SLC24A2: variants seen among roughly 807,000 people sequenced by gnomAD.
SLC24A2 encodes solute carrier family 24 member 2, also known as sodium/potassium/calcium exchanger 2.
Under a neutral mutation model 62.0 loss-of-function variants are expected in SLC24A2, and 36 were observed. The ratio of observed to expected loss-of-function variants is 0.58; its 90% CI spans 0.44 to 0.77. SLC24A2 has a LOEUF of 0.77. Among genes scored for constraint, SLC24A2 ranks in the 30% least tolerant of loss-of-function variants. The pLI, the probability that SLC24A2 is intolerant of heterozygous loss-of-function variation, is 0.00. For missense variants in SLC24A2, 846 were observed against 817.9 expected, an observed-to-expected ratio of 1.03 and a Z score of -0.42; for synonymous variants, 358 against 294.0, an observed-to-expected ratio of 1.22 and a Z score of -2.23.
the SLC24A2 span, among the ~76,000 whole-genome samples, chr9:19,941,556 A>AGTGTGTGTGTGTGTGTGTGT: frequency 7.5e-6 from 1 of 134,162 alleles, no homozygotes; most frequent in East Asian, 2.1e-4. Context: ...GAGGACTGGG[A>AGTGTGTGTGTGTGTGTGTGT]GTGTGTGTGT....
rs1819968152 is a variant in SLC24A2 at position 19,689,077 on chromosome 9, T to C, written c.931-66778A>G. Among the ~76,000 whole-genome samples the C allele has an allele frequency of 2.0e-5, 3 of 152,280 alleles. No homozygotes were observed. The South Asian group carries it at 6.2e-4, about 32-fold the overall frequency. ...CTTTAATCCCCAGCTATTTTCCTAG[T>C]TGTTTTACTTTTATTATTTCATCAC... On this transcript the variant is annotated intron_variant, in intron 2 of 10. Transcript: ENST00000341998.
chr9:19,931,351 T>C, the SLC24A2 span, among the ~76,000 whole-genome samples: 345 of 152,342 alleles, frequency 2.3e-3, 6 homozygotes, highest in East Asian at 0.06. Context: ...AATTTAAAAA[T>C]AGATTTTTTT....
the SLC24A2 span, among the ~76,000 whole-genome samples, chr9:19,858,980 C>T: frequency 6.6e-6 from 1 of 152,080 alleles, no homozygotes; most frequent in Non-Finnish European, 1.5e-5. Flanking sequence ...CCATTTGACC[C>T]AGAAATTTCA....
At chr9:20,226,674 C>T in the SLC24A2 span, among the ~76,000 whole-genome samples, 1 of 152,072 alleles carries the variant, frequency 6.6e-6, no homozygotes, top group South Asian at 2.1e-4. Context: ...TGATGAAGAC[C>T]TGAAACAATA....
At chr9:19,702,185 T>C (rs569114276) in intron 2 of SLC24A2, among the ~76,000 whole-genome samples, 6 of 152,356 alleles carry the variant, frequency 3.9e-5, no homozygotes, top group African/African-American at 1.2e-4. Flanking sequence ...ATCATGATGA[T>C]TTGAAGGACA....
At chr9:20,229,937 T>C in the SLC24A2 span, among the ~76,000 whole-genome samples, 1 of 141,794 alleles carries the variant, frequency 7.1e-6, no homozygotes, top group African/African-American at 2.6e-5. Context: ...CCTGTGTCCA[T>C]GTGTTCTCAT....
At chr9:19,551,265 A>G (rs1156462938) in intron 7 of SLC24A2, among the ~76,000 whole-genome samples, 1 of 152,242 alleles carries the variant, frequency 6.6e-6, no homozygotes, top group Non-Finnish European at 1.5e-5. Flanking sequence ...ATACAAGTCA[A>G]GCAAGACAGT....
intron 2 of SLC24A2, among the ~76,000 whole-genome samples, chr9:19,747,081 A>G (rs1360322509): frequency 1.3e-5 from 2 of 152,182 alleles, no homozygotes; most frequent in African/African-American, 4.8e-5. Flanking sequence ...AACACTCAAA[A>G]TGGCATACAG....
intron 2 of SLC24A2, among the ~76,000 whole-genome samples, chr9:19,722,759 A>G (rs1821064464): frequency 6.6e-6 from 1 of 152,104 alleles, no homozygotes; most frequent in Non-Finnish European, 1.5e-5. Context: ...TCATATGACA[A>G]AACAAAAAAG....
At chr9:19,986,757 G>C in the SLC24A2 span, among the ~76,000 whole-genome samples, 1 of 152,066 alleles carries the variant, frequency 6.6e-6, no homozygotes. Flanking sequence ...ACAGAAAGCA[G>C]ATTGGTAGTT....
the SLC24A2 span, among the ~76,000 whole-genome samples, chr9:20,010,587 G>T: frequency 6.6e-6 from 1 of 151,726 alleles, no homozygotes. Context: ...TACAAAAACT[G>T]AACTGAAAAA....
the SLC24A2 span, among the ~76,000 whole-genome samples, chr9:20,072,163 T>G: frequency 6.6e-6 from 1 of 152,132 alleles, no homozygotes; most frequent in African/African-American, 2.4e-5. Context: ...TATCTATGAT[T>G]GAAGCATGGA....
chr9:19,656,522 T>C (rs1032003078), intron 2 of SLC24A2, among the ~76,000 whole-genome samples: 4 of 152,202 alleles, frequency 2.6e-5, no homozygotes, highest in Non-Finnish European at 5.9e-5. Context: ...TCCCAAATAC[T>C]CTCATGGAAA....
rs1184637020 is a variant in SLC24A2 at position 19,508,792 on chromosome 9, T to G, written c.*7361A>C. 1.3e-5 allele frequency: 1 copy of G among 74,340 alleles called. No homozygotes were observed. The highest frequency in any genetic ancestry group is 2.3e-5 in the Non-Finnish European group (1 of 43,338). The allele number at this position is 74,340 out of a possible 1,614,324, so 4.6% of individuals were successfully genotyped here. A position where few individuals can be genotyped will look rare whatever the true frequency, so the allele number is the denominator to read the frequency against. On this transcript the variant is annotated 3_prime_UTR_variant, in exon 11 of 11. Transcript: ENST00000341998. ...CTGGGTGACAGAGCAAGACCCTGTC[T>G]GTTAAAAAAAAAATTATATAAAAAT...
chr9:20,064,281 ACAGAGAGTAGAT>A, the SLC24A2 span, among the ~76,000 whole-genome samples: 4 of 152,222 alleles, frequency 2.6e-5, no homozygotes, highest in Non-Finnish European at 5.9e-5. Flanking sequence ...ATTTATAAAG[ACAGAGAGTAGAT>A]CAATGGTTGC....
chr9:19,862,599 T>C, the SLC24A2 span, among the ~76,000 whole-genome samples: 1 of 151,912 alleles, frequency 6.6e-6, no homozygotes, highest in Non-Finnish European at 1.5e-5. Context: ...AAAGATGAAA[T>C]GATGAACCAA....
At chr9:19,565,695 G>T (rs376674344) in intron 7 of SLC24A2, among the ~76,000 whole-genome samples, 2 of 152,028 alleles carry the variant, frequency 1.3e-5, no homozygotes, top group African/African-American at 4.8e-5. Flanking sequence ...GGAGGCATCA[G>T]GCTACCTGAC....
chr9:20,015,266 A>G, the SLC24A2 span, among the ~76,000 whole-genome samples: 1 of 152,172 alleles, frequency 6.6e-6, no homozygotes, highest in Non-Finnish European at 1.5e-5. Context: ...GAGGAGAGCA[A>G]GGTTGAGCTG....
At chr9:20,116,326 G>A in the SLC24A2 span, among the ~76,000 whole-genome samples, 1 of 152,100 alleles carries the variant, frequency 6.6e-6, no homozygotes, top group African/African-American at 2.4e-5. Context: ...TTCTCTGAAT[G>A]CCTGCAGATC....
Sources: allele counts gnomAD v4.1 joint callset (sites outside exome capture counted in the v4.1 genomes callset), GRCh38; gene constraint gnomAD v4.1.1; transcripts MANE v1.5; gene names NCBI Gene and HGNC (gene_info 2026-07-23, HGNC 2026-07-21).